Variants in CTNNA2 observed in about 807,000 individuals in gnomAD.
The protein encoded by CTNNA2 is catenin alpha-2.
CTNNA2 carries 42 observed loss-of-function variants against 101.0 expected under a neutral mutation model. That is an observed-to-expected ratio of 0.42 (90% CI 0.32 to 0.54). The LOEUF (loss-of-function observed/expected upper bound fraction) is 0.54. Among genes scored for constraint, CTNNA2 ranks in the 20% least tolerant of loss-of-function variants. The pLI is 0.14. For synonymous variants in CTNNA2, 450 were observed against 456.4 expected, an observed-to-expected ratio of 0.99 and a Z score of 0.18; for missense variants, 871 against 1,223.1, an observed-to-expected ratio of 0.71 and a Z score of 4.29.
rs144803660 is a variant in CTNNA2, at chr2:79,294,171, CAGAG to C, written c.-405-18526_-405-18523del. On this transcript the variant is annotated intron_variant, in intron 2 of 21. Transcript: ENST00000466387. ...TCTTTCTGTGTCCTCGCATGGCAGA[CAGAG>C]AGAGAGAGAGAAAGAGAGAGAGAGA... Among the ~76,000 whole-genome samples the C allele has an allele frequency of 7.5e-4, 107 of 143,206 alleles. 1 individual carries two copies. Among genetic ancestry groups the C allele is most frequent in the African/African-American group, 2.6e-3 (99 of 38,342 alleles). 93.9% of individuals were successfully genotyped at this position (143,206 alleles called of 152,430 possible). A position where few individuals can be genotyped will look rare whatever the true frequency, so the allele number is the denominator to read the frequency against.
chr2:79,629,654 G>A (rs991997131), intron 1 of CTNNA2, among the ~76,000 whole-genome samples: 1 of 152,130 alleles, frequency 6.6e-6, no homozygotes, highest in Admixed American at 6.5e-5. Flanking sequence ...AAGTAGGTGG[G>A]GTAAGGAAGA....
chr2:79,259,571 C>T (rs1196842893), intron 2 of CTNNA2, among the ~76,000 whole-genome samples: 2 of 152,096 alleles, frequency 1.3e-5, no homozygotes, highest in Admixed American at 1.3e-4. Flanking sequence ...GATTTTATTG[C>T]CAGGAACGCC....
chr2:79,779,306 G>A (rs1018041089), intron 3 of CTNNA2, among the ~76,000 whole-genome samples: 6 of 152,134 alleles, frequency 3.9e-5, no homozygotes, highest in African/African-American at 1.4e-4. Flanking sequence ...CTCTTCAAGA[G>A]GTTTTGCAAG....
chr2:79,383,317 C>G (rs767693735), intron 4 of CTNNA2, among the ~76,000 whole-genome samples: 5 of 151,950 alleles, frequency 3.3e-5, no homozygotes, highest in African/African-American at 1.2e-4. Flanking sequence ...TCTGTATGAT[C>G]GGGGATAATA....
At position 79,907,062 on chromosome 2, in the gene CTNNA2, A is replaced by G. The variant is rs1558630799; in HGVS notation, c.853-2532A>G. Among the ~76,000 whole-genome samples, 3 of 152,208 alleles carry G rather than the reference A, an allele frequency of 2.0e-5. 1 individual carries two copies. The South Asian group carries it at 6.2e-4, about 32-fold the overall frequency. ...GAAGAGTTCAAATTTACCTCCCCATATTTCCATCACATTTGCAGTTCTTGA... is the reference window on the plus strand; with the variant it reads ...GAAGAGTTCAAATTTACCTCCCCATGTTTCCATCACATTTGCAGTTCTTGA... On this transcript the variant is annotated intron_variant, in intron 6 of 18. Transcript: ENST00000402739.
chr2:80,283,692 A>C (rs1169132421), intron 7 of CTNNA2, among the ~76,000 whole-genome samples: 1 of 152,122 alleles, frequency 6.6e-6, no homozygotes, highest in Non-Finnish European at 1.5e-5. Context: ...GGTTCACCCT[A>C]ATGCAGCTGA....
intron 2 of CTNNA2, among the ~76,000 whole-genome samples, chr2:79,252,381 T>A (rs1674784257): frequency 1.3e-5 from 2 of 152,160 alleles, no homozygotes; most frequent in African/African-American, 4.8e-5. Context: ...TATGCTTGGA[T>A]CTTTTTCCCA....
chr2:79,773,698 G>C (rs544426684), intron 3 of CTNNA2, among the ~76,000 whole-genome samples: 20 of 152,066 alleles, frequency 1.3e-4, no homozygotes, highest in African/African-American at 4.8e-4. Context: ...GGAGAATGGG[G>C]GTCTTAAGGC....
chr2:79,478,402 C>T (rs954911741), intron 4 of CTNNA2, among the ~76,000 whole-genome samples: 3 of 152,112 alleles, frequency 2.0e-5, no homozygotes, highest in Non-Finnish European at 4.4e-5. Context: ...ATCTCCCGGC[C>T]AGATTTAGAA....
chr2:80,279,825 G>A (rs1280000131), intron 7 of CTNNA2, among the ~76,000 whole-genome samples: 2 of 152,086 alleles, frequency 1.3e-5, no homozygotes, highest in Admixed American at 6.6e-5. Context: ...ATAAAAATAG[G>A]TGATTGTCTC....
At chr2:79,573,228 C>T (rs1320035828) in intron 1 of CTNNA2, among the ~76,000 whole-genome samples, 1 of 152,152 alleles carries the variant, frequency 6.6e-6, no homozygotes, top group African/African-American at 2.4e-5. Flanking sequence ...CTATTCCTTA[C>T]AACGAACTTT....
chr2:80,238,159 C>G (rs1482927034), intron 7 of CTNNA2, among the ~76,000 whole-genome samples: 1 of 152,064 alleles, frequency 6.6e-6, no homozygotes, highest in African/African-American at 2.4e-5. Flanking sequence ...AAGGAGAATC[C>G]AGAAATAAAA....
At chr2:80,614,992 G>A (rs553060526) in intron 17 of CTNNA2, among the ~76,000 whole-genome samples, 1 of 149,256 alleles carries the variant, frequency 6.7e-6, no homozygotes, top group African/African-American at 2.5e-5. Flanking sequence ...TTTTTTTCTT[G>A]TTTCTACTGG....
chr2:79,988,677 G>T lies in CTNNA2; in HGVS notation c.1056+78880G>T, dbSNP rs1253516649. Among the ~76,000 whole-genome samples the T allele has an allele frequency of 4.6e-5, 7 of 152,316 alleles. No homozygotes were observed. In the East Asian group the frequency reaches 1.2e-3, roughly 25 times the overall value. ...AGAAAGTAACTTCCCACAGTTGCCA[G>T]AGTTGGAATTCTAAGGTTCATGCAT... is the stretch of plus-strand genomic sequence containing the variant. On this transcript the variant is annotated intron_variant, in intron 7 of 18. Transcript: ENST00000402739.
chr2:79,374,357 A>C (rs963828142), intron 4 of CTNNA2, among the ~76,000 whole-genome samples: 1 of 152,154 alleles, frequency 6.6e-6, no homozygotes, highest in African/African-American at 2.4e-5. Context: ...AATAAGCACA[A>C]ATACAATAAT....
chr2:79,569,920 T>C (rs770396061), intron 1 of CTNNA2, among the ~76,000 whole-genome samples: 3 of 152,200 alleles, frequency 2.0e-5, no homozygotes, highest in Non-Finnish European at 4.4e-5. Flanking sequence ...TGTGGTCTAT[T>C]ATGACTAATT....
chr2:79,880,582 T>C (rs1212587598), intron 6 of CTNNA2, among the ~76,000 whole-genome samples: 1 of 152,216 alleles, frequency 6.6e-6, no homozygotes, highest in Non-Finnish European at 1.5e-5. Context: ...CCATTTCTTC[T>C]AGATTTTCTA....
At chr2:80,438,912 C>T (rs1035416725) in intron 9 of CTNNA2, among the ~76,000 whole-genome samples, 5 of 152,304 alleles carry the variant, frequency 3.3e-5, no homozygotes, top group African/African-American at 1.2e-4. Context: ...TCGACCACTC[C>T]TTTTTATGCT....
At chr2:79,428,757 G>A (rs1314133156) in intron 4 of CTNNA2, among the ~76,000 whole-genome samples, 2 of 152,096 alleles carry the variant, frequency 1.3e-5, no homozygotes, top group Non-Finnish European at 2.9e-5. Context: ...TTTTAAATGG[G>A]TCAGTAGATA....
Sources: gnomAD v4.1 joint callset for allele counts (sites outside exome capture counted in the v4.1 genomes callset) on GRCh38, gnomAD v4.1.1 for gene constraint, MANE v1.5 for transcripts, NCBI Gene and HGNC (gene_info 2026-07-23, HGNC 2026-07-21) for gene names.